The following TAFA2 variants were observed in gnomAD, a reference collection of about 807,000 sequenced individuals.
The protein encoded by TAFA2 is chemokine-like protein TAFA-2.
In TAFA2, 7 loss-of-function variants were observed where a neutral mutation model predicts 18.8. That is an observed-to-expected ratio of 0.37 (90% CI 0.21 to 0.70). The LOEUF (loss-of-function observed/expected upper bound fraction) is 0.70, where lower values mean the gene tolerates loss of function less well. Ranked by LOEUF, TAFA2 falls within the 30% of genes least tolerant of loss-of-function variation. The pLI is 0.53. For missense variants in TAFA2, 122 were observed against 158.1 expected (o/e 0.77, Z 1.23); for synonymous variants, 60 against 54.2 (o/e 1.11, Z -0.47).
intron 4 of TAFA2, 101 bp from the exon 5 acceptor site, chr12:61,710,518 T>A (rs188276421): frequency 2.5e-4 from 239 of 941,574 alleles, no homozygotes; most frequent in Non-Finnish European, 3.4e-4. Context: ...AATGCTGGTG[T>A]TTGCTATATC....
chr12:61,761,892 A>T (rs1592372018), intron 2 of TAFA2, among the ~76,000 whole-genome samples: 1 of 152,060 alleles, frequency 6.6e-6, no homozygotes. Flanking sequence ...TGATTGGATC[A>T]TGGGGCAGTT....
intron 1 of TAFA2, among the ~76,000 whole-genome samples, chr12:62,157,533 C>A (rs1370111722): frequency 1.3e-5 from 2 of 152,328 alleles, no homozygotes; most frequent in African/African-American, 2.4e-5. Flanking sequence ...GGCTGATGAA[C>A]CACTCTGCGG....
At chr12:62,002,386 C>A (rs929658587) in intron 1 of TAFA2, among the ~76,000 whole-genome samples, 2 of 152,182 alleles carry the variant, frequency 1.3e-5, no homozygotes, top group Non-Finnish European at 2.9e-5. Flanking sequence ...GAGCACCCTG[C>A]CTCCCTTGTG....
chr12:61,998,277 T>C (rs1880266617), intron 1 of TAFA2, among the ~76,000 whole-genome samples: 1 of 152,224 alleles, frequency 6.6e-6, no homozygotes, highest in Middle Eastern at 3.2e-3. Context: ...ACAGATTTCT[T>C]AAATAAGTGC....
chr12:61,892,125 AT>A lies in TAFA2; in HGVS notation c.-1-24700del, dbSNP rs368208248. On this transcript the variant is annotated intron_variant, in intron 1 of 4. Coordinates refer to ENST00000416284, the MANE Select transcript of TAFA2 (RefSeq NM_178539.5). Reference sequence around the variant, plus strand: ...GAAGAAAAGTACACATATGTGTGATATACTTTGGATATACAGACCTTAGAAC... The same window carrying A: ...GAAGAAAAGTACACATATGTGTGATAACTTTGGATATACAGACCTTAGAAC... 3.3e-3 allele frequency among the ~76,000 whole-genome samples: 502 copies of A among 151,952 alleles called. 4 individuals carry two copies. Among genetic ancestry groups the A allele is most frequent in the African/African-American group, 0.011 (457 of 41,438 alleles).
At chr12:61,857,063 T>TATTTTTCA (rs1873914984) in intron 2 of TAFA2, among the ~76,000 whole-genome samples, 1 of 151,970 alleles carries the variant, frequency 6.6e-6, no homozygotes, top group Non-Finnish European at 1.5e-5. Flanking sequence ...CATTTTTCTA[T>TATTTTTCA]ATTTTTCAAT....
rs553590070 is a variant in TAFA2 at position 62,158,645 on chromosome 12, C to T, written c.-2+32614G>A. Among the ~76,000 whole-genome samples the T allele has an allele frequency of 2.0e-5, 3 of 152,330 alleles. No individual in the cohort carries two copies. In the East Asian group the frequency reaches 5.8e-4, roughly 29 times the overall value. ...GTTCTGTTCTGTTCCAAGTTCCTTC[C>T]TACCCAGCCCAGTGATTGTGAAACA... On this transcript the variant is annotated intron_variant, in intron 1 of 4. Coordinates refer to ENST00000416284, the MANE Select transcript of TAFA2 (RefSeq NM_178539.5).
intron 1 of TAFA2, among the ~76,000 whole-genome samples, chr12:62,177,763 C>T (rs960610589): frequency 6.6e-6 from 1 of 152,146 alleles, no homozygotes; most frequent in Non-Finnish European, 1.5e-5. Flanking sequence ...ATTATTGACT[C>T]TTTTCTCTCC....
chr12:61,962,485 T>C (rs1443625873), intron 1 of TAFA2, among the ~76,000 whole-genome samples: 1 of 152,014 alleles, frequency 6.6e-6, no homozygotes, highest in East Asian at 1.9e-4. Context: ...GCTTTTGTCA[T>C]TAATACCTGC....
intron 1 of TAFA2, among the ~76,000 whole-genome samples, chr12:61,909,252 A>C (rs1876498887): frequency 6.6e-6 from 1 of 152,200 alleles, no homozygotes; most frequent in Non-Finnish European, 1.5e-5. Flanking sequence ...AGTTTGAGGA[A>C]AGCCATTAAA....
chr12:62,092,835 G>C (rs1390430032), intron 1 of TAFA2, among the ~76,000 whole-genome samples: 2 of 151,926 alleles, frequency 1.3e-5, no homozygotes, highest in African/African-American at 4.8e-5. Flanking sequence ...AGGGCATAAT[G>C]TTTAAACTTC....
At chr12:61,913,841 C>T (rs1876709065) in intron 1 of TAFA2, among the ~76,000 whole-genome samples, 1 of 152,158 alleles carries the variant, frequency 6.6e-6, no homozygotes, top group Non-Finnish European at 1.5e-5. Context: ...CGACAGGAGA[C>T]ACTGGGTGTG....
chr12:61,764,261 T>TAGATAGATAGA (rs68057414), intron 2 of TAFA2, among the ~76,000 whole-genome samples: 2 of 151,816 alleles, frequency 1.3e-5, no homozygotes. Context: ...GATAGATAGA[T>TAGATAGATAGA]TTTTAATGGC....
chr12:61,825,490 G>A (rs1872506377), intron 2 of TAFA2, among the ~76,000 whole-genome samples: 1 of 152,132 alleles, frequency 6.6e-6, no homozygotes, highest in Non-Finnish European at 1.5e-5. Flanking sequence ...GAGGAGAAAG[G>A]TAAGGGCAAT....
At chr12:62,145,023 C>T (rs1592363587) in intron 1 of TAFA2, among the ~76,000 whole-genome samples, 1 of 152,216 alleles carries the variant, frequency 6.6e-6, no homozygotes, top group Non-Finnish European at 1.5e-5. Flanking sequence ...ATGTTCCCTT[C>T]AACAATAATC....
chr12:61,876,868 T>C (rs536789873), intron 1 of TAFA2, among the ~76,000 whole-genome samples: 2 of 152,312 alleles, frequency 1.3e-5, no homozygotes, highest in African/African-American at 4.8e-5. Flanking sequence ...TGGACAATTA[T>C]GTGCACTAGC....
chr12:62,119,002 A>T (rs536213768), intron 1 of TAFA2, among the ~76,000 whole-genome samples: 1 of 152,260 alleles, frequency 6.6e-6, no homozygotes, highest in African/African-American at 2.4e-5. Context: ...TTTAAGAAAT[A>T]TCTTTCTACA....
chr12:61,797,739 C>A (rs916213116), intron 2 of TAFA2, among the ~76,000 whole-genome samples: 5 of 152,132 alleles, frequency 3.3e-5, no homozygotes, highest in African/African-American at 9.7e-5. Context: ...GGAAGAGACC[C>A]TTTCCATGGC....
chr12:62,194,079 G>A (rs118165866), upstream of TAFA2, among the ~76,000 whole-genome samples: 22 of 152,282 alleles, frequency 1.4e-4, no homozygotes, highest in Non-Finnish European at 2.1e-4. Flanking sequence ...TTTATGCCAT[G>A]TGATTAAATA....
Sources: allele counts gnomAD v4.1 joint callset (sites outside exome capture counted in the v4.1 genomes callset), GRCh38; gene constraint gnomAD v4.1.1; transcripts MANE v1.5; gene names NCBI Gene and HGNC (gene_info 2026-07-23, HGNC 2026-07-21).